Variants in CCDC102B observed in about 807,000 individuals in gnomAD.
CCDC102B encodes coiled-coil domain-containing protein 102B.
In CCDC102B, 75 loss-of-function variants were observed where a neutral mutation model predicts 57.4. The observed-to-expected ratio is 1.31, with a 90% CI of 1.08 to 1.58. The LOEUF (loss-of-function observed/expected upper bound fraction) is 1.58. Ranked by LOEUF, CCDC102B falls within the 40% of genes most tolerant of loss-of-function variation. The probability of loss-of-function intolerance (pLI) is 0.00; values close to 1 mark genes in which losing one functional copy is unlikely to be tolerated. For missense variants in CCDC102B, 636 were observed against 582.6 expected, an observed-to-expected ratio of 1.09 and a Z score of -0.94; for synonymous variants, 206 against 201.9, an observed-to-expected ratio of 1.02 and a Z score of -0.17.
intron 7 of CCDC102B, among the ~76,000 whole-genome samples, chr18:69,013,613 A>C (rs1019408272): frequency 6.6e-6 from 1 of 152,256 alleles, no homozygotes. Flanking sequence ...AACATTTGAT[A>C]CATTAGTTTC....
intron 7 of CCDC102B, among the ~76,000 whole-genome samples, chr18:69,035,297 AG>A (rs1167167544): frequency 6.6e-6 from 1 of 152,078 alleles, no homozygotes; most frequent in Non-Finnish European, 1.5e-5. Flanking sequence ...TTTAAATGGA[AG>A]GTACTTGGTA....
At chr18:68,848,204 G>A (rs531258978) in intron 4 of CCDC102B, among the ~76,000 whole-genome samples, 25 of 151,878 alleles carry the variant, frequency 1.6e-4, no homozygotes, top group East Asian at 1.5e-3. Context: ...CAAAGTCTCC[G>A]TACAGTTGAT....
chr18:69,031,175 A>G (rs902322010), intron 7 of CCDC102B, among the ~76,000 whole-genome samples: 2 of 152,150 alleles, frequency 1.3e-5, no homozygotes, highest in Non-Finnish European at 2.9e-5. Context: ...TTAGAATTGG[A>G]AGGATATTTA....
intron 2 of CCDC102B, among the ~76,000 whole-genome samples, chr18:68,779,801 T>C (rs2034945871): frequency 6.6e-6 from 1 of 152,114 alleles, no homozygotes; most frequent in Non-Finnish European, 1.5e-5. Context: ...GCAAACTTGC[T>C]GCCTCACACA....
downstream of CCDC102B, among the ~76,000 whole-genome samples, chr18:69,056,169 A>C (rs963745335): frequency 1.3e-5 from 2 of 152,132 alleles, no homozygotes; most frequent in Non-Finnish European, 2.9e-5. Flanking sequence ...AAGAAGACTA[A>C]TCTTGATTCA....
At position 68,836,936 on chromosome 18, in the gene CCDC102B, G is replaced by C; in HGVS notation, c.173G>C (p.Cys58Ser). 6.2e-7 allele frequency: 1 copy of C among 1,614,114 alleles called. No individual in the cohort carries two copies. The highest frequency in any genetic ancestry group is 8.5e-7 in the Non-Finnish European group (1 of 1,180,028). ...CAATCTCATGCTGCTCACAATTTCT[G>C]TGCTCACTCATATAACACCAACAAA... ...GLQSHAAHNF[C>S]AHSYNTNKWD... The change falls in exon 2 of 8, where the codon TGT becomes TCT. Residue 58 changes from cysteine to serine, a missense_variant. Cys to Ser is a moderately radical substitution (Grantham distance 112). Transcript: ENST00000360242.
intron 2 of CCDC102B, among the ~76,000 whole-genome samples, chr18:68,719,696 A>G (rs1056070301): frequency 1.3e-5 from 2 of 152,248 alleles, no homozygotes; most frequent in African/African-American, 4.8e-5. Flanking sequence ...AGACACGCCT[A>G]GAAATAATGT....
At chr18:68,923,610 A>T (rs762415964) in intron 6 of CCDC102B, among the ~76,000 whole-genome samples, 14 of 152,092 alleles carry the variant, frequency 9.2e-5, no homozygotes, top group Non-Finnish European at 1.3e-4. Flanking sequence ...GAGAATATGT[A>T]ACAAGAAGCA....
At chr18:68,801,918 T>G (rs1247681744) in intron 1 of CCDC102B, among the ~76,000 whole-genome samples, 1 of 152,174 alleles carries the variant, frequency 6.6e-6, no homozygotes, top group Non-Finnish European at 1.5e-5. Context: ...GTCTTATTAG[T>G]CAGCCTATAT....
chr18:68,819,600 T>A (rs373911979), intron 1 of CCDC102B, among the ~76,000 whole-genome samples: 1 of 152,146 alleles, frequency 6.6e-6, no homozygotes, highest in East Asian at 1.9e-4. Flanking sequence ...ACTTATCAAT[T>A]TTAACAAAAT....
At chr18:68,747,869 A>G (rs1363819222) in intron 2 of CCDC102B, among the ~76,000 whole-genome samples, 2 of 152,126 alleles carry the variant, frequency 1.3e-5, no homozygotes, top group African/African-American at 2.4e-5. Flanking sequence ...TAATGCCTTT[A>G]GTTATATACC....
chr18:68,858,010 C>T (rs1411893068), intron 4 of CCDC102B, among the ~76,000 whole-genome samples: 1 of 152,136 alleles, frequency 6.6e-6, no homozygotes, highest in Non-Finnish European at 1.5e-5. Context: ...CAGGTTTTGA[C>T]TTAATCTATC....
chr18:68,917,331 G>A (rs2145095668), intron 6 of CCDC102B, among the ~76,000 whole-genome samples: 1 of 152,252 alleles, frequency 6.6e-6, no homozygotes, highest in Non-Finnish European at 1.5e-5. Flanking sequence ...TTTCCAGGAA[G>A]GATCTGATGA....
intron 4 of CCDC102B, among the ~76,000 whole-genome samples, chr18:68,865,645 C>G (rs1307937845): frequency 6.6e-6 from 1 of 152,120 alleles, no homozygotes; most frequent in African/African-American, 2.4e-5. Flanking sequence ...ATACTCGTCT[C>G]TTTTTCTCAG....
intron 6 of CCDC102B, among the ~76,000 whole-genome samples, chr18:69,000,380 G>A (rs367755372): frequency 9.2e-5 from 14 of 152,082 alleles, no homozygotes; most frequent in African/African-American, 3.1e-4. Context: ...GATGAAATGT[G>A]TATTGTAAAA....
intron 2 of CCDC102B, among the ~76,000 whole-genome samples, chr18:68,752,808 G>T (rs891761867): frequency 6.6e-6 from 1 of 151,970 alleles, no homozygotes; most frequent in Non-Finnish European, 1.5e-5. Context: ...ATCTTTAGAG[G>T]TCTGTAGCTT....
At chr18:68,973,406 C>A (rs1053964128) in intron 6 of CCDC102B, among the ~76,000 whole-genome samples, 1 of 152,088 alleles carries the variant, frequency 6.6e-6, no homozygotes, top group African/African-American at 2.4e-5. Flanking sequence ...CAGTACCTAG[C>A]TTACTGAGTT....
At chr18:68,756,867 G>C (rs577901698) in intron 2 of CCDC102B, among the ~76,000 whole-genome samples, 3 of 148,762 alleles carry the variant, frequency 2.0e-5, no homozygotes, top group Non-Finnish European at 3.0e-5. Context: ...TGATGGTTTG[G>C]AATGCTATAT....
chr18:68,989,549 T>G (rs1046313068), intron 6 of CCDC102B, among the ~76,000 whole-genome samples: 11 of 152,212 alleles, frequency 7.2e-5, no homozygotes, highest in African/African-American at 2.7e-4. Context: ...AATGGTCCAG[T>G]ATGCCAGTGC....
Sources: gnomAD v4.1 joint callset for allele counts (sites outside exome capture counted in the v4.1 genomes callset) on GRCh38, gnomAD v4.1.1 for gene constraint, MANE v1.5 for transcripts, NCBI Gene and HGNC (gene_info 2026-07-23, HGNC 2026-07-21) for gene names.